FGGY: variants seen among roughly 807,000 people sequenced by gnomAD.
FGGY encodes FGGY carbohydrate kinase domain containing.
Under a neutral mutation model 71.3 loss-of-function variants are expected in FGGY, and 72 were observed. The observed-to-expected ratio is 1.01, with a 90% CI of 0.84 to 1.23. The LOEUF is 1.23. Ranked by LOEUF, FGGY falls within the 50% of genes most tolerant of loss-of-function variation. FGGY has a pLI of 0.00. For synonymous variants in FGGY, 251 were observed against 250.3 expected (o/e 1.00, Z -0.02); for missense variants, 668 against 682.3 (o/e 0.98, Z 0.23).
At chr1:59,393,916 A>G (rs1159872414) in intron 5 of FGGY, among the ~76,000 whole-genome samples, 2 of 152,208 alleles carry the variant, frequency 1.3e-5, no homozygotes, top group Non-Finnish European at 2.9e-5. Flanking sequence ...AGAAGTACAC[A>G]TTGTTCATAT....
intron 13 of FGGY, among the ~76,000 whole-genome samples, chr1:59,672,808 C>T (rs2097394163): frequency 6.6e-6 from 1 of 152,172 alleles, no homozygotes; most frequent in African/African-American, 2.4e-5. Context: ...CACAAGTTTA[C>T]CTCTGTAAAG....
chr1:59,538,942 A>G (rs1186383757), intron 7 of FGGY, among the ~76,000 whole-genome samples: 2 of 152,096 alleles, frequency 1.3e-5, no homozygotes, highest in Non-Finnish European at 2.9e-5. Context: ...ACGTATATGC[A>G]TATGTAACTA....
chr1:59,383,110 C>T (rs762549120), intron 5 of FGGY, among the ~76,000 whole-genome samples: 1 of 151,994 alleles, frequency 6.6e-6, no homozygotes, highest in Non-Finnish European at 1.5e-5. Context: ...GATTGTTATA[C>T]CTATTTTGCA....
intron 7 of FGGY, among the ~76,000 whole-genome samples, chr1:59,539,605 A>G (rs1030698811): frequency 6.6e-6 from 1 of 152,190 alleles, no homozygotes; most frequent in Admixed American, 6.5e-5. Context: ...ATACAAATAC[A>G]TTCCAAACAG....
At chr1:59,548,072 T>C (rs1426971469) in intron 7 of FGGY, among the ~76,000 whole-genome samples, 1 of 152,152 alleles carries the variant, frequency 6.6e-6, no homozygotes, top group African/African-American at 2.4e-5. Context: ...AGTCAGAAGA[T>C]GGGCTACAAA....
intron 9 of FGGY, among the ~76,000 whole-genome samples, chr1:59,612,955 A>C (rs953174823): frequency 2.6e-5 from 4 of 152,212 alleles, no homozygotes; most frequent in African/African-American, 9.7e-5. Context: ...AACCATCCTA[A>C]ATATATATGT....
At chr1:59,726,535 CT>C (rs2097949984) in intron 14 of FGGY, among the ~76,000 whole-genome samples, 1 of 152,042 alleles carries the variant, frequency 6.6e-6, no homozygotes, top group African/African-American at 2.4e-5. Flanking sequence ...CTAAAATTCA[CT>C]AGTAAAAACC....
At chr1:59,627,566 G>A (rs1050393897) in intron 10 of FGGY, among the ~76,000 whole-genome samples, 8 of 146,906 alleles carry the variant, frequency 5.4e-5, no homozygotes, top group Non-Finnish European at 1.0e-4. Context: ...GAATATACAT[G>A]CATATACTCC....
chr1:59,342,109 C>T (rs2050830374), intron 3 of FGGY, among the ~76,000 whole-genome samples: 1 of 152,148 alleles, frequency 6.6e-6, no homozygotes, highest in Non-Finnish European at 1.5e-5. Context: ...TGCTAAAATA[C>T]ATGTTTACTT....
chr1:59,409,249 A>C (rs951594352), intron 5 of FGGY, among the ~76,000 whole-genome samples: 5 of 152,204 alleles, frequency 3.3e-5, no homozygotes, highest in Admixed American at 2.6e-4. Context: ...GTTGTGCTGC[A>C]GCTTGGAGGG....
At chr1:59,300,476 GAA>G (rs1331415006) in intron 1 of FGGY, among the ~76,000 whole-genome samples, 1 of 152,138 alleles carries the variant, frequency 6.6e-6, no homozygotes, top group East Asian at 1.9e-4. Context: ...TAATTTTGAT[GAA>G]GTCTAATTTA....
At chr1:59,388,189 A>G (rs2153370304) in intron 5 of FGGY, among the ~76,000 whole-genome samples, 1 of 152,222 alleles carries the variant, frequency 6.6e-6, no homozygotes, top group Admixed American at 6.5e-5. Flanking sequence ...CCCTATCTCA[A>G]GTCTAGCAGC....
intron 9 of FGGY, among the ~76,000 whole-genome samples, chr1:59,611,932 C>T (rs2096686099): frequency 6.6e-6 from 1 of 151,924 alleles, no homozygotes; most frequent in African/African-American, 2.4e-5. Flanking sequence ...AATGAAGCTA[C>T]AAGAGAAGTT....
chr1:59,546,571 C>G (rs1019952930), intron 7 of FGGY, among the ~76,000 whole-genome samples: 2 of 151,700 alleles, frequency 1.3e-5, no homozygotes, highest in African/African-American at 2.4e-5. Flanking sequence ...GAGTCTGGCT[C>G]TGTTTCCCAG....
intron 7 of FGGY, among the ~76,000 whole-genome samples, chr1:59,540,773 G>T (rs1047451073): frequency 6.6e-6 from 1 of 152,206 alleles, no homozygotes; most frequent in Non-Finnish European, 1.5e-5. Context: ...TCTGAAGAAC[G>T]GAGAGGAGGA....
At chr1:59,658,955 T>G (rs1440030888) in intron 11 of FGGY, among the ~76,000 whole-genome samples, 1 of 152,126 alleles carries the variant, frequency 6.6e-6, no homozygotes, top group Non-Finnish European at 1.5e-5. Flanking sequence ...GGCGCAGTGG[T>G]TCACAACTGT....
chr1:59,469,339 A>C (rs10889137), intron 6 of FGGY, among the ~76,000 whole-genome samples: 1 of 151,922 alleles, frequency 6.6e-6, no homozygotes, highest in Non-Finnish European at 1.5e-5. Context: ...TGGGCATCTG[A>C]TAAGGGCCTT....
intron 4 of FGGY, among the ~76,000 whole-genome samples, chr1:59,347,295 G>A (rs1336127762): frequency 1.5e-5 from 2 of 130,014 alleles, no homozygotes; most frequent in African/African-American, 3.0e-5. Flanking sequence ...CCCTTCCTGT[G>A]TCCATGTGTT....
intron 7 of FGGY, among the ~76,000 whole-genome samples, chr1:59,543,449 C>T (rs1256150241): frequency 6.6e-6 from 1 of 152,178 alleles, no homozygotes; most frequent in African/African-American, 2.4e-5. Context: ...ATTAATCAGT[C>T]TAGAGGTGGG....
Sources: gnomAD v4.1 joint callset for allele counts (sites outside exome capture counted in the v4.1 genomes callset) on GRCh38, gnomAD v4.1.1 for gene constraint, MANE v1.5 for transcripts, NCBI Gene and HGNC (gene_info 2026-07-23, HGNC 2026-07-21) for gene names.